Variants in KBTBD11 observed in about 807,000 individuals in gnomAD.
The protein encoded by KBTBD11 is kelch repeat and BTB domain containing 11, also known as kelch repeat and BTB domain-containing protein 11.
For missense variants in KBTBD11, 1,390 were observed against 1,001.8 expected, an observed-to-expected ratio of 1.39 and a Z score of -5.23; for synonymous variants, 747 against 499.0, an observed-to-expected ratio of 1.50 and a Z score of -6.63.
chr8:1,974,769 C>T (rs978781588), intron 1 of KBTBD11: 6 of 905,928 alleles, frequency 6.6e-6, no homozygotes, highest in African/African-American at 3.6e-5. Context: ...AACCAAAGTC[C>T]CTCCACCTCT....
At chr8:1,979,015 G>A (rs543789638) in intron 1 of KBTBD11, among the ~76,000 whole-genome samples, 1 of 152,294 alleles carries the variant, frequency 6.6e-6, no homozygotes, top group Non-Finnish European at 1.5e-5. Flanking sequence ...GTAGGCCCTC[G>A]TGCTGGTCAG....
At chr8:1,984,002 C>T (rs1475038853) in intron 1 of KBTBD11, among the ~76,000 whole-genome samples, 1 of 152,180 alleles carries the variant, frequency 6.6e-6, no homozygotes, top group Admixed American at 6.5e-5. Flanking sequence ...TGGTGGCAGG[C>T]ACCTTTAGTT....
rs769946035 is a variant in KBTBD11, at chr8:2,003,055, C to T, written c.1863C>T (p.Gly621=). The T allele has an allele frequency of 3.9e-5, 49 of 1,265,232 alleles. No individual in the cohort carries two copies. The Middle Eastern group carries it at 9.1e-4, about 23-fold the overall frequency. The allele number at this position is 1,265,232 out of a possible 1,614,324, so 78.4% of individuals were successfully genotyped here. Residue 621 remains glycine (G), a synonymous_variant, in exon 2 of 2, where the codon GGC becomes GGT. Coordinates refer to ENST00000320248, the MANE Select transcript of KBTBD11 (RefSeq NM_014867.3). The stretch of plus-strand genomic sequence containing the variant: ...AGAAGCCGCCCCGAGGGGAGCAGGG[C>T]GCCCCGTAGGCCGGCGGGGTCGGCG... ...LPEKPPRGEQ[G]AP is the part of the protein sequence containing the mutation.
intron 1 of KBTBD11, among the ~76,000 whole-genome samples, chr8:1,998,285 A>C (rs1383635963): frequency 6.6e-6 from 1 of 152,196 alleles, no homozygotes; most frequent in East Asian, 1.9e-4. Context: ...CACAGCAGAG[A>C]TGGGTCCCTC....
Position 2,003,240 on chromosome 8 carries a change from G to T in KBTBD11, c.*176G>T, listed in dbSNP as rs969098744. 2 of 1,041,966 alleles carry T rather than the reference G, an allele frequency of 1.9e-6. No homozygotes were observed. The highest frequency in any genetic ancestry group is 1.7e-5 in the African/African-American group (1 of 60,136). The allele number at this position is 1,041,966 out of a possible 1,614,324, so 64.5% of individuals were successfully genotyped here. A position where few individuals can be genotyped will look rare whatever the true frequency, so the allele number is the denominator to read the frequency against. On this transcript the variant is annotated 3_prime_UTR_variant, in exon 2 of 2. Transcript: ENST00000320248. ...GCCGCTTTCGCTTTGCTTTCCTTTT[G>T]CTTGTCTTTGCTTCTGGGGGTGGAT...
In KBTBD11 at chr8:2,001,447, C is replaced by T; in HGVS notation, c.255C>T (p.Ala85=). Residue 85 remains alanine, a synonymous_variant, in exon 2 of 2, where the codon GCC becomes GCT. Coordinates refer to ENST00000320248, the MANE Select transcript of KBTBD11 (RefSeq NM_014867.3). ...ERQWEAGSAG[A]ASPEELASPE... ...AGTGGGAGGCCGGCAGCGCGGGCGCCGCGTCCCCGGAGGAGCTCGCGTCCC... is the reference window on the plus strand; with the variant it reads ...AGTGGGAGGCCGGCAGCGCGGGCGCTGCGTCCCCGGAGGAGCTCGCGTCCC... 1 of 1,356,394 alleles carries T rather than the reference C, an allele frequency of 7.4e-7. No homozygotes were observed. Among genetic ancestry groups the T allele is most frequent in the Non-Finnish European group, 9.4e-7 (1 of 1,062,656 alleles). The allele number at this position is 1,356,394 out of a possible 1,614,324, so 84.0% of individuals were successfully genotyped here.
intron 1 of KBTBD11, among the ~76,000 whole-genome samples, chr8:1,981,492 T>A (rs183830019): frequency 3.9e-5 from 6 of 152,328 alleles, no homozygotes; most frequent in African/African-American, 1.4e-4. Context: ...CTGTGATGGT[T>A]AATTTCAAGG....
intron 1 of KBTBD11, among the ~76,000 whole-genome samples, chr8:1,983,193 G>C (rs1310548770): frequency 6.6e-6 from 1 of 152,210 alleles, no homozygotes; most frequent in Non-Finnish European, 1.5e-5. Flanking sequence ...CTAGAACTTG[G>C]CAGCCTTGGG....
At chr8:1,978,362 G>A (rs559157568) in intron 1 of KBTBD11, among the ~76,000 whole-genome samples, 1 of 152,378 alleles carries the variant, frequency 6.6e-6, no homozygotes, top group African/African-American at 2.4e-5. Flanking sequence ...GAGCTTGAAG[G>A]CCAAGGGCTG....
At chr8:1,977,075 A>G (rs1816371974) in intron 1 of KBTBD11, among the ~76,000 whole-genome samples, 1 of 147,964 alleles carries the variant, frequency 6.8e-6, no homozygotes, top group African/African-American at 2.6e-5. Context: ...TTCTTAAAAC[A>G]TTATGAGTTT....
chr8:1,981,502 G>T (rs1368073272), intron 1 of KBTBD11, among the ~76,000 whole-genome samples: 11 of 152,158 alleles, frequency 7.2e-5, no homozygotes, highest in African/African-American at 2.7e-4. Flanking sequence ...TAATTTCAAG[G>T]TGTCAACTTG....
At position 2,002,080 on chromosome 8, in the gene KBTBD11, C is replaced by T. The variant is rs1240251796; in HGVS notation, c.888C>T (p.Leu296=). The T allele has an allele frequency of 2.7e-6, 3 of 1,108,122 alleles. No individual in the cohort carries two copies. The highest frequency in any genetic ancestry group is 8.5e-5 in the South Asian group (2 of 23,636). 68.6% of individuals were successfully genotyped at this position (1,108,122 alleles called of 1,614,324 possible). A position where few individuals can be genotyped will look rare whatever the true frequency, so the allele number is the denominator to read the frequency against. Reference sequence around the variant, plus strand: ...GCCTGCGCGCCGGCCGCGCCCACCTCTTGGCCGCGGCGCTCGGGCCGGCGG... The same window carrying T: ...GCCTGCGCGCCGGCCGCGCCCACCTTTTGGCCGCGGCGCTCGGGCCGGCGG... ...RRRLRAGRAH[L]LAAALGPAGE... is the part of the protein sequence containing the mutation. The change falls in exon 2 of 2, where the codon CTC becomes CTT. Residue 296 remains leucine, a synonymous_variant. Transcript: ENST00000320248. The surrounding 1 kb of genome is among the most constrained non-coding windows in gnomAD (Gnocchi z 4.1).
At chr8:1,978,419 G>T (rs1395606223) in intron 1 of KBTBD11, among the ~76,000 whole-genome samples, 3 of 152,248 alleles carry the variant, frequency 2.0e-5, no homozygotes, top group Non-Finnish European at 2.9e-5. Context: ...GCGCCAGGAG[G>T]ATTCACACAC....
At position 2,001,057 on chromosome 8, in the gene KBTBD11, GAC is replaced by G. The variant is rs768933415; in HGVS notation, c.-130_-129del. ...TTCACACACACAACAACAAAGCGTG[GAC>G]ACACAGAAGTGAAATCTGATCGCGT... On this transcript the variant is annotated 5_prime_UTR_variant, in exon 2 of 2. The change creates a premature stop within an existing upstream ORF in the 5' untranslated region. Coordinates refer to ENST00000320248, the MANE Select transcript of KBTBD11 (RefSeq NM_014867.3). The G allele has an allele frequency of 1.5e-4, 176 of 1,158,674 alleles. 1 individual carries two copies. Among genetic ancestry groups the G allele is most frequent in the Non-Finnish European group, 1.8e-4 (161 of 913,134 alleles). The allele number at this position is 1,158,674 out of a possible 1,614,324, so 71.8% of individuals were successfully genotyped here. A position where few individuals can be genotyped will look rare whatever the true frequency, so the allele number is the denominator to read the frequency against.
Position 2,002,362 on chromosome 8 carries a change from C to G in KBTBD11, c.1170C>G (p.Asp390Glu), listed in dbSNP as rs757165498. The G allele has an allele frequency of 6.8e-7, 1 of 1,473,680 alleles. No homozygotes were observed. The highest frequency in any genetic ancestry group is 1.5e-5 in the African/African-American group (1 of 68,060). The allele number at this position is 1,473,680 out of a possible 1,614,324, so 91.3% of individuals were successfully genotyped here. A position where few individuals can be genotyped will look rare whatever the true frequency, so the allele number is the denominator to read the frequency against. Reference sequence around the variant, plus strand: ...TCTTCTGCTACAACCCGGCCACGGACAGCTGGAGCGCCGTGAGGCCCCTGC... The same window carrying G: ...TCTTCTGCTACAACCCGGCCACGGAGAGCTGGAGCGCCGTGAGGCCCCTGC... ...DQVFCYNPATDSWSAVRPLRQ... is the reference protein window; with the variant it reads ...DQVFCYNPATESWSAVRPLRQ... Residue 390 changes from aspartate to glutamate, a missense_variant, in exon 2 of 2, where the codon GAC becomes GAG. Coordinates refer to ENST00000320248, the MANE Select transcript of KBTBD11 (RefSeq NM_014867.3). This position sits in a 1 kb window ranked among gnomAD's most constrained non-coding sequence, Gnocchi z 4.1.
Position 1,973,783 on chromosome 8 carries a change from T to C in KBTBD11, c.-1061T>C. 1 of 983,476 alleles carries C rather than the reference T, an allele frequency of 1.0e-6. No individual in the cohort carries two copies. The highest frequency in any genetic ancestry group is 1.2e-6 in the Non-Finnish European group (1 of 829,246). The allele number at this position is 983,476 out of a possible 1,614,324, so 60.9% of individuals were successfully genotyped here. A position where few individuals can be genotyped will look rare whatever the true frequency, so the allele number is the denominator to read the frequency against. On this transcript the variant is annotated 5_prime_UTR_variant, in exon 1 of 2. Coordinates refer to ENST00000320248, the MANE Select transcript of KBTBD11 (RefSeq NM_014867.3). ...GCCCCCTCTGCCGCCCACGCCCCGC[T>C]GCGGGTCGGAGGAGCAGCTCCCGCT...
In KBTBD11 at chr8:2,002,669, G is replaced by A. The variant is rs1405076491; in HGVS notation, c.1477G>A (p.Ala493Thr). The change falls in exon 2 of 2, where the codon GCC becomes ACC. Residue 493 changes from alanine (A) to threonine (T), a missense_variant. Transcript: ENST00000320248. The surrounding 1 kb of genome is among the most constrained non-coding windows in gnomAD (Gnocchi z 4.1). ...CPCSSSRERS[A>T]DMVALDGFIY... Reference sequence around the variant, plus strand: ...GTGCAGCAGCAGCCGCGAGCGCTCGGCCGACATGGTGGCTCTCGACGGCTT... The same window carrying A: ...GTGCAGCAGCAGCCGCGAGCGCTCGACCGACATGGTGGCTCTCGACGGCTT... 3 of 1,570,890 alleles carry A rather than the reference G, an allele frequency of 1.9e-6. No individual in the cohort carries two copies. The highest frequency in any genetic ancestry group is 1.7e-6 in the Non-Finnish European group (2 of 1,167,562).
chr8:1,993,305 G>GCATT (rs1816986112), intron 1 of KBTBD11, among the ~76,000 whole-genome samples: 1 of 151,958 alleles, frequency 6.6e-6, no homozygotes, highest in African/African-American at 2.4e-5. Flanking sequence ...TAGCTAACAT[G>GCATT]CATTCATCCA....
intron 1 of KBTBD11, among the ~76,000 whole-genome samples, chr8:1,979,852 C>T (rs2129308758): frequency 6.6e-6 from 1 of 152,358 alleles, no homozygotes; most frequent in Middle Eastern, 3.4e-3. Flanking sequence ...GCGTGGCTTC[C>T]ACACTCCTGG....
Sources: gnomAD v4.1 joint callset for allele counts (sites outside exome capture counted in the v4.1 genomes callset) on GRCh38, gnomAD v4.1.1 for gene constraint, Gnocchi (gnomAD v3.1) non-coding constraint, MANE v1.5 for transcripts, NCBI Gene and HGNC (gene_info 2026-07-23, HGNC 2026-07-21) for gene names.